The following SNPH variants were observed in gnomAD, a reference collection of about 807,000 sequenced individuals.
SNPH encodes syntaphilin.
In SNPH, 10 loss-of-function variants were observed where a neutral mutation model predicts 36.8. The ratio of observed to expected loss-of-function variants is 0.27; its 90% CI spans 0.17 to 0.46. SNPH has a LOEUF of 0.46. SNPH is among the 20% of genes least tolerant of loss of function. The pLI, the probability that SNPH is intolerant of heterozygous loss-of-function variation, is 1.00. For missense variants in SNPH, 622 were observed against 744.0 expected, an observed-to-expected ratio of 0.84 and a Z score of 1.91; for synonymous variants, 281 against 312.2, an observed-to-expected ratio of 0.90 and a Z score of 1.05.
Position 1,297,182 on chromosome 20 carries a change from G to T in SNPH, c.220G>T (p.Gly74Cys). The change falls in exon 5 of 7, where the codon GGC (glycine) becomes TGC (cysteine). Residue 74 changes from glycine to cysteine, a missense_variant. Physicochemically the swap from Gly to Cys is radical, Grantham distance 159 (BLOSUM62 -3). Around this residue, in one of 3 missense-constraint regions of SNPH, gnomAD observed 187 missense variants for 209.4 expected, o/e 0.89. Transcript: ENST00000381867. ...SPPVSVRDAY[G>C]TSSLSSSSNS... is the part of the protein sequence containing the mutation. ...ACCTGTGAGCGTGCGGGATGCCTACGGCACCTCTTCGCTCAGCAGCAGCAG... is the reference window on the plus strand; with the variant it reads ...ACCTGTGAGCGTGCGGGATGCCTACTGCACCTCTTCGCTCAGCAGCAGCAG... 6.2e-7 allele frequency: 1 copy of T among 1,613,850 alleles called. No individual in the cohort carries two copies. The highest frequency in any genetic ancestry group is 1.1e-5 in the South Asian group (1 of 91,044).
chr20:1,291,165 G>C (rs957746871), intron 2 of SNPH, among the ~76,000 whole-genome samples: 4 of 152,320 alleles, frequency 2.6e-5, no homozygotes, highest in Admixed American at 2.6e-4. Context: ...TGTAGCAGCT[G>C]CCTCAGCCCT....
chr20:1,279,240 T>G (rs1287166683), intron 2 of SNPH, among the ~76,000 whole-genome samples: 1 of 152,234 alleles, frequency 6.6e-6, no homozygotes, highest in Non-Finnish European at 1.5e-5. Context: ...ATGGTTAGTC[T>G]TTTAAATCTT....
chr20:1,289,566 A>C (rs2088329561), intron 2 of SNPH, among the ~76,000 whole-genome samples: 1 of 149,746 alleles, frequency 6.7e-6, no homozygotes, highest in Non-Finnish European at 1.5e-5. Flanking sequence ...CAATGGAGTC[A>C]GGGGCATGGT....
chr20:1,269,515 C>T (rs1173705438), intron 2 of SNPH, among the ~76,000 whole-genome samples: 2 of 152,174 alleles, frequency 1.3e-5, no homozygotes, highest in Non-Finnish European at 2.9e-5. Flanking sequence ...GTTTCGCTGC[C>T]TCTTCATGCA....
intron 2 of SNPH, among the ~76,000 whole-genome samples, chr20:1,279,026 A>T (rs1416477092): frequency 6.6e-6 from 1 of 152,232 alleles, no homozygotes; most frequent in Non-Finnish European, 1.5e-5. Context: ...GCTGTTATAA[A>T]TGTATGTGTA....
chr20:1,292,592 G>A (rs1040265605), intron 2 of SNPH, among the ~76,000 whole-genome samples: 3 of 152,128 alleles, frequency 2.0e-5, no homozygotes, highest in Non-Finnish European at 4.4e-5. Flanking sequence ...CTCCTTATCA[G>A]GAACTTTCTA....
At chr20:1,280,015 A>G (rs920468777) in intron 2 of SNPH, among the ~76,000 whole-genome samples, 8 of 152,166 alleles carry the variant, frequency 5.3e-5, no homozygotes, top group African/African-American at 1.9e-4. Context: ...GGCCTTTTGG[A>G]GGCAGAGATG....
At chr20:1,299,043 G>A (rs1270608247) in intron 5 of SNPH, among the ~76,000 whole-genome samples, 2 of 151,608 alleles carry the variant, frequency 1.3e-5, no homozygotes, top group African/African-American at 4.9e-5. Flanking sequence ...TGACTCCTCC[G>A]CCCCTTGCCA....
rs115514620 is a variant in SNPH at position 1,293,235 on chromosome 20, G to T, written c.-492-1716G>T. On this transcript the variant is annotated intron_variant, in intron 2 of 6. Transcript: ENST00000381867. Reference sequence around the variant, plus strand: ...GTCTCATGCTCCCTGGACCCCCATTGTCGGGGGGGTTAGGAAGTGTTGAGC... The same window carrying T: ...GTCTCATGCTCCCTGGACCCCCATTTTCGGGGGGGTTAGGAAGTGTTGAGC... Among the ~76,000 whole-genome samples, 252 of 152,306 alleles carry T rather than the reference G, an allele frequency of 1.7e-3. 2 individuals are homozygous for T. Among genetic ancestry groups the T allele is most frequent in the African/African-American group, 5.8e-3 (241 of 41,564 alleles).
In SNPH at chr20:1,266,549, T is replaced by C. The variant is rs566805017; in HGVS notation, c.-599-105T>C. On this transcript the variant is annotated intron_variant, in intron 1 of 6. Coordinates refer to ENST00000381867, the MANE Select transcript of SNPH (RefSeq NM_001318234.2). The surrounding 1 kb of genome is among the most constrained non-coding windows in gnomAD (Gnocchi z 6.0). ...GGCAGGCAGCCTGCCCTCCAAGCCT[T>C]CTGGCTGCAGCGGCCCAGCTGTCAG... The C allele has an allele frequency of 7.3e-7, 1 of 1,370,378 alleles. No homozygotes were observed. The highest frequency in any genetic ancestry group is 9.4e-7 in the Non-Finnish European group (1 of 1,063,082). The allele number at this position is 1,370,378 out of a possible 1,614,324, so 84.9% of individuals were successfully genotyped here.
At chr20:1,268,576 G>T (rs1424414664) in intron 2 of SNPH, among the ~76,000 whole-genome samples, 4 of 152,124 alleles carry the variant, frequency 2.6e-5, no homozygotes, top group African/African-American at 9.7e-5. Context: ...GAATTTTGCT[G>T]CTGCACCATT....
intron 2 of SNPH, among the ~76,000 whole-genome samples, chr20:1,272,485 C>CA (rs1195535404): frequency 6.6e-6 from 1 of 152,188 alleles, no homozygotes; most frequent in Non-Finnish European, 1.5e-5. Flanking sequence ...AACATGTGCC[C>CA]AATGTTGTCA....
Position 1,266,717 on chromosome 20 carries a change from G to A in SNPH, c.-536G>A. ...AGAGGCGCTGCGCCAAGCCGGGCCG[G>A]AGTGGTGCGAGCCGGCGGGGCTGCG... On this transcript the variant is annotated 5_prime_UTR_variant, in exon 2 of 7. Coordinates refer to ENST00000381867, the MANE Select transcript of SNPH (RefSeq NM_001318234.2). This position sits in a 1 kb window ranked among gnomAD's most constrained non-coding sequence, Gnocchi z 6.0. 1 of 1,418,898 alleles carries A rather than the reference G, an allele frequency of 7.0e-7. No individual in the cohort carries two copies. The highest frequency in any genetic ancestry group is 9.2e-7 in the Non-Finnish European group (1 of 1,091,160). The allele number at this position is 1,418,898 out of a possible 1,614,324, so 87.9% of individuals were successfully genotyped here.
chr20:1,278,683 CT>C (rs1002024972), intron 2 of SNPH, among the ~76,000 whole-genome samples: 8 of 151,942 alleles, frequency 5.3e-5, no homozygotes, highest in African/African-American at 1.7e-4. Flanking sequence ...TAGTTTATTC[CT>C]TTTTTTTCTT....
intron 5 of SNPH, among the ~76,000 whole-genome samples, chr20:1,299,592 C>T (rs567063336): frequency 1.3e-5 from 2 of 152,332 alleles, no homozygotes; most frequent in East Asian, 3.9e-4. Context: ...CCTGGTAGGG[C>T]ACCATGTCAG....
chr20:1,300,980 G>A (rs1318033358), intron 6 of SNPH, among the ~76,000 whole-genome samples: 1 of 152,240 alleles, frequency 6.6e-6, no homozygotes, highest in African/African-American at 2.4e-5. Context: ...TCCTGCCTGT[G>A]CTGTCCTTTC....
chr20:1,286,779 G>A (rs1264710239), intron 2 of SNPH, among the ~76,000 whole-genome samples: 1 of 152,210 alleles, frequency 6.6e-6, no homozygotes, highest in Non-Finnish European at 1.5e-5. Flanking sequence ...GTGGTTTTAT[G>A]TGGTTTCTTG....
chr20:1,281,939 G>A (rs148688251), intron 2 of SNPH, among the ~76,000 whole-genome samples: 40 of 152,360 alleles, frequency 2.6e-4, no homozygotes, highest in African/African-American at 5.5e-4. Flanking sequence ...TCAGTTCCCC[G>A]CCTGCATTGC....
In SNPH at chr20:1,276,480, G is replaced by C. The variant is rs941201408; in HGVS notation, c.-493+9720G>C. On this transcript the variant is annotated intron_variant, in intron 2 of 6. Coordinates refer to ENST00000381867, the MANE Select transcript of SNPH (RefSeq NM_001318234.2). The surrounding 1 kb of genome is among the most constrained non-coding windows in gnomAD (Gnocchi z 4.6). ...GTGGACTGACTTTGTGACTGGGCAAGTCACTTAATTTATCTGACCCTTAGT... is the reference window on the plus strand; with the variant it reads ...GTGGACTGACTTTGTGACTGGGCAACTCACTTAATTTATCTGACCCTTAGT... Among the ~76,000 whole-genome samples the C allele has an allele frequency of 5.9e-5, 9 of 152,294 alleles. No homozygotes were observed. Among genetic ancestry groups the C allele is most frequent in the Admixed American group, 5.2e-4 (8 of 15,302 alleles).
Sources: allele counts gnomAD v4.1 joint callset (sites outside exome capture counted in the v4.1 genomes callset), GRCh38; gene constraint gnomAD v4.1.1; regional missense constraint gnomAD v4.1.1; non-coding constraint Gnocchi (gnomAD v3.1); transcripts MANE v1.5; gene names NCBI Gene and HGNC (gene_info 2026-07-23, HGNC 2026-07-21).